The following RGS9 variants were observed in gnomAD, a reference collection of about 807,000 sequenced individuals.
RGS9 encodes regulator of G protein signaling 9, also known as regulator of G-protein signalling 9.
In RGS9, 78 loss-of-function variants were observed where a neutral mutation model predicts 102.0. The observed-to-expected ratio is 0.76, with a 90% confidence interval of 0.64 to 0.92. RGS9 has a LOEUF of 0.92. Among genes scored for constraint, RGS9 ranks in the 40% least tolerant of loss-of-function variants. The probability of loss-of-function intolerance (pLI) is 0.00; values close to 1 mark genes in which losing one functional copy is unlikely to be tolerated. For synonymous variants in RGS9, 353 were observed against 318.6 expected (o/e 1.11, Z -1.15); for missense variants, 833 against 866.1 (o/e 0.96, Z 0.48).
At chr17:65,210,925 T>C (rs1913270118) in intron 17 of RGS9, among the ~76,000 whole-genome samples, 1 of 152,046 alleles carries the variant, frequency 6.6e-6, no homozygotes, top group Non-Finnish European at 1.5e-5. Context: ...GGCTGCCTAT[T>C]GTACCTTAGA....
At chr17:65,185,789 G>GA (rs1912089183) in intron 9 of RGS9, among the ~76,000 whole-genome samples, 1 of 152,152 alleles carries the variant, frequency 6.6e-6, no homozygotes, top group Non-Finnish European at 1.5e-5. Flanking sequence ...GTAAACCCCC[G>GA]AAGACTGAGA....
chr17:65,176,353 C>T (rs1243879109), intron 8 of RGS9, among the ~76,000 whole-genome samples: 1 of 152,192 alleles, frequency 6.6e-6, no homozygotes, highest in African/African-American at 2.4e-5. Context: ...TGGAGAGCTT[C>T]ACACCCTATC....
chr17:65,151,692 A>T (rs1210664642), intron 1 of RGS9, among the ~76,000 whole-genome samples: 1 of 152,100 alleles, frequency 6.6e-6, no homozygotes, highest in East Asian at 1.9e-4. Context: ...TCTTCTTTGC[A>T]TTTTCTAGTT....
intron 9 of RGS9, among the ~76,000 whole-genome samples, chr17:65,184,859 G>GTCTCTCTC (rs55810439): frequency 0.019 from 2,571 of 138,372 alleles, 80 homozygotes; most frequent in African/African-American, 0.063. Flanking sequence ...CCTTCTCACT[G>GTCTCTCTC]TCTCTCTCTC....
chr17:65,153,321 C>T (rs1206128135), intron 1 of RGS9, 101 bp from the exon 2 acceptor site: 4 of 992,416 alleles, frequency 4.0e-6, no homozygotes, highest in Non-Finnish European at 6.5e-6. Flanking sequence ...CCCCTGTGTC[C>T]ACCTTTGCAT....
chr17:65,159,430 T>G lies in RGS9; in HGVS notation c.206-803T>G, dbSNP rs143798879. ...ACTAGAAAATAGGCTGTTGGTACAA[T>G]GAGGCATACAACTTTAGGACTTGGT... On this transcript the variant is annotated intron_variant, in intron 3 of 18. Transcript: ENST00000262406. Among the ~76,000 whole-genome samples, 338 of 152,212 alleles carry G rather than the reference T, an allele frequency of 2.2e-3. 3 individuals are homozygous for G. The highest frequency in any genetic ancestry group is 7.8e-3 in the African/African-American group (326 of 41,530).
At chr17:65,215,301 A>G (rs1163206760) in intron 17 of RGS9, among the ~76,000 whole-genome samples, 1 of 152,100 alleles carries the variant, frequency 6.6e-6, no homozygotes, top group East Asian at 1.9e-4. Context: ...AGACCCAGAG[A>G]TTTTGATCCT....
chr17:65,175,452 A>G lies in RGS9; in HGVS notation c.583-2280A>G, dbSNP rs914353767. On this transcript the variant is annotated intron_variant, in intron 8 of 18. Transcript: ENST00000262406. ...ATGTGAGGTTAGATCCCATGGTGTT[A>G]TCCCTTCAAGACACCTGTCTCAACT... Among the ~76,000 whole-genome samples, 7 of 152,232 alleles carry G rather than the reference A, an allele frequency of 4.6e-5. No individual in the cohort carries two copies. The East Asian group carries it at 1.4e-3, about 29-fold the overall frequency.
Position 65,137,592 on chromosome 17 carries a change from C to T in RGS9, c.52C>T (p.Gln18Ter). Residue 18 changes from glutamine to a stop codon, truncating the protein, a stop_gained, in exon 1 of 19, where the codon CAA becomes TAA. Coordinates refer to ENST00000262406, the MANE Select transcript of RGS9 (RefSeq NM_003835.4). LOFTEE classifies it high-confidence loss of function. ...GTACAGGCCGAGGATGGCATTTCTC[C>T]AAAAGGTAACCCTGGCCCCTCACCT... is the stretch of plus-strand genomic sequence containing the variant. ...QQYRPRMAFL[Q>*]KIEALVKDMQ... is the part of the protein sequence containing the mutation. The T allele has an allele frequency of 6.2e-7, 1 of 1,613,616 alleles. No homozygotes were observed. Among genetic ancestry groups the T allele is most frequent in the Non-Finnish European group, 8.5e-7 (1 of 1,179,980 alleles).
At chr17:65,169,552 T>G (rs566480145) in intron 8 of RGS9, among the ~76,000 whole-genome samples, 5 of 152,346 alleles carry the variant, frequency 3.3e-5, no homozygotes, top group African/African-American at 9.6e-5. Context: ...CAAGACACCT[T>G]GGTGCCCAGT....
intron 9 of RGS9, among the ~76,000 whole-genome samples, chr17:65,182,811 T>C (rs1598594417): frequency 6.6e-6 from 1 of 152,192 alleles, no homozygotes; most frequent in East Asian, 1.9e-4. Flanking sequence ...AGGGGGCTTG[T>C]ACAGCCGCCC....
At chr17:65,171,756 T>C (rs2144022879) in intron 8 of RGS9, among the ~76,000 whole-genome samples, 1 of 152,354 alleles carries the variant, frequency 6.6e-6, no homozygotes, top group East Asian at 1.9e-4. Context: ...CATCCTGTAA[T>C]GAAGGAAAAC....
Position 65,197,214 on chromosome 17 carries a change from C to T in RGS9, c.949C>T (p.Gln317Ter), listed in dbSNP as rs954138752. 1 of 1,612,906 alleles carries T rather than the reference C, an allele frequency of 6.2e-7. No individual in the cohort carries two copies. Among genetic ancestry groups the T allele is most frequent in the Non-Finnish European group, 8.5e-7 (1 of 1,179,112 alleles). ...AGACCCCAAAGGTCGACAGAGCTTC[C>T]AGTACTTCCTCAAGAAAGAATTCAG... is the stretch of plus-strand genomic sequence containing the variant. ...IRDPKGRQSF[Q>*]YFLKKEFSGE... The change falls in exon 13 of 19, where the codon CAG becomes TAG. Residue 317 changes from glutamine (Q) to a stop codon, truncating the protein, a stop_gained. Coordinates refer to ENST00000262406, the MANE Select transcript of RGS9 (RefSeq NM_003835.4). LOFTEE classifies it high-confidence loss of function.
rs141493191 is a variant in RGS9, at chr17:65,225,196, G to C, written c.1602G>C (p.Ser534=). The C allele has an allele frequency of 4.3e-6, 7 of 1,613,138 alleles. No individual in the cohort carries two copies. Among genetic ancestry groups the C allele is most frequent in the South Asian group, 2.2e-5 (2 of 91,078 alleles). The part of the protein sequence containing the change: ...SPIRVALESS[S]GLEQKGECSG... ...TCAGAGTGGCCTTGGAGAGCTCATC[G>C]GGCTTGGAGCAGAAAGGGGAGTGCA... is the stretch of plus-strand genomic sequence containing the variant. Residue 534 remains serine, a synonymous_variant, in exon 18 of 19, where the codon TCG becomes TCC. Transcript: ENST00000262406.
chr17:65,198,692 G>A (rs1912695872), intron 13 of RGS9, among the ~76,000 whole-genome samples: 1 of 152,196 alleles, frequency 6.6e-6, no homozygotes, highest in Non-Finnish European at 1.5e-5. Flanking sequence ...TCCTTGCTCA[G>A]TACCCAGCCC....
At chr17:65,200,812 AC>A (rs1912803425) in intron 13 of RGS9, among the ~76,000 whole-genome samples, 1 of 152,166 alleles carries the variant, frequency 6.6e-6, no homozygotes, top group Non-Finnish European at 1.5e-5. Flanking sequence ...ATCTGAAAAA[AC>A]TTGCAGATGA....
Position 65,204,230 on chromosome 17 carries a change from A to G in RGS9, c.1132A>G (p.Lys378Glu). 1 of 1,613,490 alleles carries G rather than the reference A, an allele frequency of 6.2e-7. No individual in the cohort carries two copies. ...IDGKTMDITV[K>E]GLKHPHRYVL... Reference sequence around the variant, plus strand: ...TGGCAAAACCATGGACATCACAGTGAAGGGGCTGAAGCACCCCCACCGCTA... The same window carrying G: ...TGGCAAAACCATGGACATCACAGTGGAGGGGCTGAAGCACCCCCACCGCTA... The change falls in exon 15 of 19, where the codon AAG becomes GAG. Residue 378 changes from lysine to glutamate, a missense_variant. Lys to Glu is a moderately conservative substitution (Grantham distance 56). Coordinates refer to ENST00000262406, the MANE Select transcript of RGS9 (RefSeq NM_003835.4).
rs568977593 is a variant in RGS9, at chr17:65,186,536, G to A, written c.655-2750G>A. 7.2e-5 allele frequency among the ~76,000 whole-genome samples: 11 copies of A among 152,300 alleles called. No individual in the cohort carries two copies. The South Asian group carries it at 1.0e-3, about 14-fold the overall frequency. On this transcript the variant is annotated intron_variant, in intron 9 of 18. Coordinates refer to ENST00000262406, the MANE Select transcript of RGS9 (RefSeq NM_003835.4). ...GTTTTAAATTAAGTGACTGGACAGAGTCATTCCATCCTGTAGCACTCTCAG... is the reference window on the plus strand; with the variant it reads ...GTTTTAAATTAAGTGACTGGACAGAATCATTCCATCCTGTAGCACTCTCAG...
intron 16 of RGS9, among the ~76,000 whole-genome samples, chr17:65,209,893 C>A (rs751136950): frequency 2.6e-5 from 4 of 152,132 alleles, no homozygotes; most frequent in Non-Finnish European, 5.9e-5. Flanking sequence ...GCCTGGCCAA[C>A]GTGGTGAAAG....
Sources: allele counts gnomAD v4.1 joint callset (sites outside exome capture counted in the v4.1 genomes callset), GRCh38; gene constraint gnomAD v4.1.1; transcripts MANE v1.5; gene names NCBI Gene and HGNC (gene_info 2026-07-23, HGNC 2026-07-21).